The following PTPRT variants were observed in gnomAD, a reference collection of about 807,000 sequenced individuals.
PTPRT encodes the protein protein tyrosine phosphatase receptor type T.
Under a neutral mutation model 176.8 loss-of-function variants are expected in PTPRT, and 56 were observed. The ratio of observed to expected loss-of-function variants is 0.32; its 90% confidence interval spans 0.26 to 0.40. The LOEUF (loss-of-function observed/expected upper bound fraction) is 0.40, where lower values mean the gene tolerates loss of function less well. Among genes scored for constraint, PTPRT ranks in the 10% least tolerant of loss-of-function variants. The pLI, the probability that PTPRT is intolerant of heterozygous loss-of-function variation, is 1.00. For synonymous variants in PTPRT, 783 were observed against 739.0 expected (o/e 1.06, Z -0.96); for missense variants, 1,540 against 1,908.2 (o/e 0.81, Z 3.60).
intron 17 of PTPRT, among the ~76,000 whole-genome samples, chr20:42,157,378 C>T (rs1600604730): frequency 6.7e-6 from 1 of 149,250 alleles, no homozygotes; most frequent in Non-Finnish European, 1.5e-5. Flanking sequence ...TGGAGTCTCA[C>T]TCTGTCCCAC....
At chr20:42,208,682 C>A (rs1396553986) in intron 15 of PTPRT, among the ~76,000 whole-genome samples, 2 of 151,992 alleles carry the variant, frequency 1.3e-5, no homozygotes, top group African/African-American at 4.8e-5. Flanking sequence ...TAGACTCCCA[C>A]ACATTAATAA....
At chr20:42,654,551 C>A (rs898404549) in intron 7 of PTPRT, among the ~76,000 whole-genome samples, 1 of 152,138 alleles carries the variant, frequency 6.6e-6, no homozygotes, top group African/African-American at 2.4e-5. Context: ...TAGGGACAAG[C>A]GAAAGAGTTA....
At chr20:42,135,171 C>T (rs1385809028) in intron 18 of PTPRT, among the ~76,000 whole-genome samples, 2 of 152,214 alleles carry the variant, frequency 1.3e-5, no homozygotes, top group Non-Finnish European at 1.5e-5. Flanking sequence ...AGACCTGAGG[C>T]TTGTCACACC....
At chr20:42,485,634 A>T (rs936456941) in intron 7 of PTPRT, among the ~76,000 whole-genome samples, 3 of 151,906 alleles carry the variant, frequency 2.0e-5, no homozygotes, top group Non-Finnish European at 4.4e-5. Flanking sequence ...TTTCATATTC[A>T]GATCCAGGGT....
intron 2 of PTPRT, among the ~76,000 whole-genome samples, chr20:42,860,808 A>G (rs1278216504): frequency 1.3e-5 from 2 of 152,202 alleles, no homozygotes; most frequent in African/African-American, 4.8e-5. Context: ...ATCCTCTGCA[A>G]ATAATAACTT....
rs139691705 is a variant in PTPRT, at chr20:42,831,925, G to A, written c.215-40459C>T. Reference sequence around the variant, plus strand: ...GAAAAGGGAATGCTTGCACACCGTCGGTGAGAGTGTAAATTAGTTCAGCCA... The same window carrying A: ...GAAAAGGGAATGCTTGCACACCGTCAGTGAGAGTGTAAATTAGTTCAGCCA... On this transcript the variant is annotated intron_variant, in intron 2 of 30. Transcript: ENST00000373187. Among the ~76,000 whole-genome samples, 490 of 152,296 alleles carry A rather than the reference G, an allele frequency of 3.2e-3. 3 individuals carry two copies. Among genetic ancestry groups the A allele is most frequent in the African/African-American group, 0.011 (469 of 41,558 alleles).
intron 8 of PTPRT, among the ~76,000 whole-genome samples, chr20:42,465,149 A>AC (rs11086838): frequency 0.34 from 51,974 of 151,810 alleles, 9,089 homozygotes; most frequent in East Asian, 0.49. Flanking sequence ...ATAGAAAAAA[A>AC]AACACTCTTT....
chr20:42,046,172 A>G, the PTPRT span, among the ~76,000 whole-genome samples: 1 of 152,166 alleles, frequency 6.6e-6, no homozygotes, highest in African/African-American at 2.4e-5. Flanking sequence ...TTAGGGTCTT[A>G]GTGCCCATGA....
intron 1 of PTPRT, among the ~76,000 whole-genome samples, chr20:43,030,211 A>T (rs1986084535): frequency 6.6e-6 from 1 of 152,246 alleles, no homozygotes; most frequent in African/African-American, 2.4e-5. Flanking sequence ...AATAAAAGAC[A>T]TACCTAATGG....
intron 1 of PTPRT, among the ~76,000 whole-genome samples, chr20:42,922,508 C>T (rs993871580): frequency 6.6e-6 from 1 of 152,376 alleles, no homozygotes; most frequent in Non-Finnish European, 1.5e-5. Context: ...TCAAGTCTCA[C>T]ATGCCCAAAG....
chr20:42,487,720 G>A (rs1289452610), intron 7 of PTPRT, among the ~76,000 whole-genome samples: 2 of 152,120 alleles, frequency 1.3e-5, no homozygotes, highest in African/African-American at 2.4e-5. Flanking sequence ...GTCGACGGAA[G>A]GAACACAGCC....
In PTPRT at chr20:42,771,686, A is replaced by G. The variant is rs1600720361; in HGVS notation, c.569-136T>C. 2.5e-5 allele frequency: 17 copies of G among 672,498 alleles called. No individual in the cohort carries two copies. In the South Asian group the frequency reaches 3.0e-4, roughly 12 times the overall value. 41.7% of individuals were successfully genotyped at this position (672,498 alleles called of 1,614,324 possible). ...TAAGAAGTAGCCCGGCTCAGTCAAG[A>G]TTTCATTGATCACTTATTATAAGTC... On this transcript the variant is annotated intron_variant, in intron 4 of 30. Transcript: ENST00000373187.
At chr20:42,881,939 T>C (rs960275363) in intron 2 of PTPRT, among the ~76,000 whole-genome samples, 4 of 152,000 alleles carry the variant, frequency 2.6e-5, no homozygotes, top group Non-Finnish European at 4.4e-5. Context: ...AAAGAAGACA[T>C]TGGATCATGC....
intron 9 of PTPRT, among the ~76,000 whole-genome samples, chr20:42,411,186 T>G (rs1366997115): frequency 6.6e-6 from 1 of 152,158 alleles, no homozygotes; most frequent in Non-Finnish European, 1.5e-5. Flanking sequence ...GGCTCATGCT[T>G]GTAATCCCAG....
intron 15 of PTPRT, among the ~76,000 whole-genome samples, chr20:42,220,425 AG>A (rs1265858333): frequency 6.6e-6 from 1 of 152,174 alleles, no homozygotes; most frequent in African/African-American, 2.4e-5. Context: ...AAAAAAGAAC[AG>A]GGAGGCAGGT....
chr20:42,774,058 G>A (rs6030465), intron 4 of PTPRT, among the ~76,000 whole-genome samples: 14,078 of 152,192 alleles, frequency 0.093, 787 homozygotes, highest in South Asian at 0.18. Flanking sequence ...TAGGTTCAGT[G>A]GTAGAGAGTT....
intron 6 of PTPRT, among the ~76,000 whole-genome samples, chr20:42,715,884 G>T (rs1164446705): frequency 1.3e-5 from 2 of 152,142 alleles, no homozygotes; most frequent in African/African-American, 2.4e-5. Context: ...GAAGTATAAA[G>T]AACCAAAAAT....
intron 9 of PTPRT, among the ~76,000 whole-genome samples, chr20:42,406,421 G>A (rs1457183179): frequency 6.6e-6 from 1 of 151,896 alleles, no homozygotes; most frequent in African/African-American, 2.4e-5. Flanking sequence ...TGAGAATTTC[G>A]AGAGTGATAA....
At chr20:43,040,149 A>G (rs1387869625) in intron 1 of PTPRT, among the ~76,000 whole-genome samples, 1 of 152,190 alleles carries the variant, frequency 6.6e-6, no homozygotes, top group African/African-American at 2.4e-5. Context: ...AGGAAAATGA[A>G]TGCCAAACAC....
Sources: gnomAD v4.1 joint callset for allele counts (sites outside exome capture counted in the v4.1 genomes callset) on GRCh38, gnomAD v4.1.1 for gene constraint, MANE v1.5 for transcripts, NCBI Gene and HGNC (gene_info 2026-07-23, HGNC 2026-07-21) for gene names.